The following LRRC7 variants were observed in gnomAD, a reference collection of about 807,000 sequenced individuals.
The protein encoded by LRRC7 is leucine rich repeat containing 7, also known as leucine-rich repeat-containing protein 7.
A neutral mutation model predicts 175.7 loss-of-function variants in LRRC7; 23 were observed. The ratio of observed to expected loss-of-function variants is 0.13; its 90% CI spans 0.09 to 0.19. The LOEUF is 0.19. Among genes scored for constraint, LRRC7 ranks in the 10% least tolerant of loss-of-function variants. The pLI is 1.00. For synonymous variants in LRRC7, 685 were observed against 680.9 expected, an observed-to-expected ratio of 1.01 and a Z score of -0.09; for missense variants, 1,354 against 1,904.7, an observed-to-expected ratio of 0.71 and a Z score of 5.38.
intron 1 of LRRC7, among the ~76,000 whole-genome samples, chr1:69,661,878 C>T (rs1403033153): frequency 1.3e-5 from 2 of 152,090 alleles, no homozygotes; most frequent in Admixed American, 1.3e-4. Flanking sequence ...GGAAAGCATG[C>T]TTTTCTTACA....
intron 7 of LRRC7, among the ~76,000 whole-genome samples, chr1:69,876,425 A>G (rs1195181088): frequency 2.6e-5 from 4 of 152,176 alleles, no homozygotes; most frequent in Admixed American, 2.0e-4. Flanking sequence ...CTGATAGTCT[A>G]TATTTATTCA....
chr1:69,830,615 A>C (rs950270718), intron 5 of LRRC7, among the ~76,000 whole-genome samples: 1 of 151,878 alleles, frequency 6.6e-6, no homozygotes, highest in East Asian at 1.9e-4. Flanking sequence ...TATTGTATAA[A>C]CATTCAACTA....
At chr1:69,788,576 T>A (rs1043808102) in intron 3 of LRRC7, among the ~76,000 whole-genome samples, 5 of 152,232 alleles carry the variant, frequency 3.3e-5, no homozygotes, top group African/African-American at 1.2e-4. Context: ...CAAGCAAATA[T>A]CTGAAACTAG....
At position 69,942,612 on chromosome 1, in the gene LRRC7, G is replaced by A. The variant is rs1351941341; in HGVS notation, c.711+11042G>A. Reference sequence around the variant, plus strand: ...TCTAGAGGCCACTTGCATTCCTTACGTGGCCCCTTCCTCACATCGCCTTGA... The same window carrying A: ...TCTAGAGGCCACTTGCATTCCTTACATGGCCCCTTCCTCACATCGCCTTGA... On this transcript the variant is annotated intron_variant, in intron 8 of 26. Transcript: ENST00000651989. 3.3e-5 allele frequency among the ~76,000 whole-genome samples: 5 copies of A among 151,754 alleles called. No homozygotes were observed. In the East Asian group the frequency reaches 5.8e-4, roughly 18 times the overall value.
chr1:69,781,030 A>G (rs1673423844), intron 3 of LRRC7, among the ~76,000 whole-genome samples: 1 of 152,240 alleles, frequency 6.6e-6, no homozygotes, highest in Non-Finnish European at 1.5e-5. Flanking sequence ...TTTGAGATAT[A>G]GTCATCTACA....
At chr1:69,966,769 C>A (rs774795310) in intron 8 of LRRC7, among the ~76,000 whole-genome samples, 5 of 152,212 alleles carry the variant, frequency 3.3e-5, no homozygotes, top group Non-Finnish European at 5.9e-5. Flanking sequence ...GGAGCTGAGT[C>A]AATTTAGAGA....
intron 8 of LRRC7, among the ~76,000 whole-genome samples, chr1:69,953,316 C>T (rs559528544): frequency 6.6e-6 from 1 of 152,142 alleles, no homozygotes; most frequent in African/African-American, 2.4e-5. Context: ...CTTATCTTTT[C>T]CTCAAGGAAC....
At chr1:69,685,644 A>G (rs1661048488) in intron 2 of LRRC7, among the ~76,000 whole-genome samples, 1 of 152,184 alleles carries the variant, frequency 6.6e-6, no homozygotes, top group South Asian at 2.1e-4. Flanking sequence ...GATTAAATGA[A>G]TATGTAGATT....
At position 69,587,085 on chromosome 1, in the gene LRRC7, A is replaced by G. The variant is rs147801117; in HGVS notation, c.2+18444A>G. Among the ~76,000 whole-genome samples, 415 of 152,270 alleles carry G rather than the reference A, an allele frequency of 2.7e-3. 4 individuals carry two copies. Among genetic ancestry groups the G allele is most frequent in the African/African-American group, 9.4e-3 (389 of 41,556 alleles). ...TTGTGCCCTTGGAATATTTGTAAGT[A>G]TGCAAGTAGTAAAATGTGGTATAAT... On this transcript the variant is annotated intron_variant, in intron 1 of 26. Transcript: ENST00000651989.
At chr1:69,686,263 C>G (rs1289159325) in intron 2 of LRRC7, among the ~76,000 whole-genome samples, 1 of 152,004 alleles carries the variant, frequency 6.6e-6, no homozygotes, top group Admixed American at 6.6e-5. Flanking sequence ...ACAGAACTCT[C>G]CAAACACAAA....
rs1362673782 is a variant in LRRC7, at chr1:69,568,642, G to A, written c.2+1G>A. 7.4e-7 allele frequency: 1 copy of A among 1,351,914 alleles called. No homozygotes were observed. Among genetic ancestry groups the A allele is most frequent in the Admixed American group, 2.0e-5 (1 of 50,966 alleles). The allele number at this position is 1,351,914 out of a possible 1,614,324, so 83.7% of individuals were successfully genotyped here. A position where few individuals can be genotyped will look rare whatever the true frequency, so the allele number is the denominator to read the frequency against. Reference sequence around the variant, plus strand: ...ATGGGCAGTTTCTCCCGCCGGCGATGTGAGTAAGGCACGCTCGCTCCGTGG... The same window carrying A: ...ATGGGCAGTTTCTCCCGCCGGCGATATGAGTAAGGCACGCTCGCTCCGTGG... On this transcript the variant is annotated splice_donor_variant, in intron 1 of 26. Coordinates refer to ENST00000651989, the MANE Select transcript of LRRC7 (RefSeq NM_001370785.2). LOFTEE classifies it high-confidence loss of function.
At chr1:69,972,753 C>T (rs1652374793) in intron 8 of LRRC7, among the ~76,000 whole-genome samples, 1 of 151,822 alleles carries the variant, frequency 6.6e-6, no homozygotes, top group African/African-American at 2.4e-5. Flanking sequence ...TCTGATCCAG[C>T]AATCCCACTA....
At chr1:69,648,565 G>A (rs1655331663) in intron 1 of LRRC7, among the ~76,000 whole-genome samples, 1 of 152,204 alleles carries the variant, frequency 6.6e-6, no homozygotes, top group South Asian at 2.1e-4. Flanking sequence ...CACCACAGGG[G>A]CCTTCACTAG....
At chr1:69,890,269 T>G (rs1383654436) in intron 7 of LRRC7, among the ~76,000 whole-genome samples, 16 of 152,236 alleles carry the variant, frequency 1.1e-4, no homozygotes, top group Non-Finnish European at 4.4e-5. Context: ...AACAGCAGAA[T>G]GGATGTTGTA....
Position 70,126,578 on chromosome 1 carries a change from G to T in LRRC7, c.*4691G>T, listed in dbSNP as rs1255100129. On this transcript the variant is annotated 3_prime_UTR_variant, in exon 27 of 27. Coordinates refer to ENST00000651989, the MANE Select transcript of LRRC7 (RefSeq NM_001370785.2). ...CACCTTCTGTTAAGAAAAGCATCTT[G>T]CCTTGGCTCAGAATATTTCCCATCA... Among the ~76,000 whole-genome samples, 1 of 152,014 alleles carries T rather than the reference G, an allele frequency of 6.6e-6. No homozygotes were observed. The highest frequency in any genetic ancestry group is 1.9e-4 in the East Asian group (1 of 5,188).
chr1:69,709,100 A>C (rs1664427955), intron 2 of LRRC7, among the ~76,000 whole-genome samples: 1 of 152,226 alleles, frequency 6.6e-6, no homozygotes, highest in Admixed American at 6.5e-5. Context: ...CTATTTGATT[A>C]GTGTCTGTCT....
chr1:69,928,810 C>T (rs1033195814), intron 7 of LRRC7, among the ~76,000 whole-genome samples: 1 of 152,170 alleles, frequency 6.6e-6, no homozygotes, highest in Non-Finnish European at 1.5e-5. Context: ...GTGCGCTGCG[C>T]CCACTGTCCT....
chr1:70,002,365 G>C (rs149398609), intron 11 of LRRC7, among the ~76,000 whole-genome samples: 27 of 152,266 alleles, frequency 1.8e-4, no homozygotes, highest in Non-Finnish European at 3.1e-4. Flanking sequence ...TAATAGCTAT[G>C]ACATAAAAGC....
intron 2 of LRRC7, among the ~76,000 whole-genome samples, chr1:69,752,128 A>T (rs1450618031): frequency 1.3e-5 from 2 of 152,102 alleles, no homozygotes; most frequent in Non-Finnish European, 2.9e-5. Flanking sequence ...GGAGTACCAG[A>T]ATCACCATGT....
Sources: gnomAD v4.1 joint callset for allele counts (sites outside exome capture counted in the v4.1 genomes callset) on GRCh38, gnomAD v4.1.1 for gene constraint, MANE v1.5 for transcripts, NCBI Gene and HGNC (gene_info 2026-07-23, HGNC 2026-07-21) for gene names.